ROBO1: variants seen among roughly 807,000 people sequenced by gnomAD.
ROBO1 encodes the protein roundabout homolog 1.
Under a neutral mutation model 195.9 loss-of-function variants are expected in ROBO1, and 149 were observed. The ratio of observed to expected loss-of-function variants is 0.76; its 90% CI spans 0.67 to 0.87. ROBO1 has a LOEUF of 0.87. Among genes scored for constraint, ROBO1 ranks in the 40% least tolerant of loss-of-function variants. ROBO1 has a pLI of 0.00. For synonymous variants in ROBO1, 816 were observed against 733.2 expected (o/e 1.11, Z -1.82); for missense variants, 1,933 against 2,068.3 (o/e 0.93, Z 1.27).
At chr3:78,899,059 T>A (rs1021485471) in intron 4 of ROBO1, among the ~76,000 whole-genome samples, 1 of 152,206 alleles carries the variant, frequency 6.6e-6, no homozygotes, top group Admixed American at 6.5e-5. Flanking sequence ...ATTTCCAATG[T>A]CCTGTGCTAG....
intron 4 of ROBO1, among the ~76,000 whole-genome samples, chr3:78,820,445 AT>A (rs1288365051): frequency 6.6e-6 from 1 of 152,336 alleles, no homozygotes; most frequent in Admixed American, 6.5e-5. Flanking sequence ...TCAAAGCCAA[AT>A]TTGTACTAAT....
intron 2 of ROBO1, among the ~76,000 whole-genome samples, chr3:79,562,482 T>C (rs1942954258): frequency 6.6e-6 from 1 of 152,060 alleles, no homozygotes; most frequent in African/African-American, 2.4e-5. Context: ...TCTCTTTGTA[T>C]ATATCATTGG....
At position 79,435,519 on chromosome 3, in the gene ROBO1, T is replaced by C. The variant is rs140935797; in HGVS notation, c.88+154305A>G. On this transcript the variant is annotated intron_variant, in intron 2 of 30. Transcript: ENST00000464233. ...TATTTTTTAGGTTTATTCTTCTCTC[T>C]TAAGTAGATAATAAAGAGCAATTTC... Among the ~76,000 whole-genome samples the C allele has an allele frequency of 5.9e-3, 893 of 152,292 alleles. 8 individuals are homozygous for C. The highest frequency in any genetic ancestry group is 0.02 in the African/African-American group (849 of 41,574).
intron 3 of ROBO1, among the ~76,000 whole-genome samples, chr3:79,051,818 T>C (rs932463621): frequency 2.6e-5 from 4 of 152,112 alleles, no homozygotes; most frequent in Non-Finnish European, 4.4e-5. Context: ...TGAACATAAA[T>C]TGTGAAGATT....
At chr3:79,272,919 A>C (rs561451956) in intron 2 of ROBO1, among the ~76,000 whole-genome samples, 1 of 152,132 alleles carries the variant, frequency 6.6e-6, no homozygotes, top group African/African-American at 2.4e-5. Context: ...AGATTTATCA[A>C]TGGAAATCTC....
Position 79,501,886 on chromosome 3 carries a change from C to T in ROBO1, c.88+87938G>A, listed in dbSNP as rs187522879. On this transcript the variant is annotated intron_variant, in intron 2 of 30. Transcript: ENST00000464233. ...TTTGACTGTATTGAACAATGTCCCTCTTTATTTTAGTCCAGGAAATGTGTA... is the reference window on the plus strand; with the variant it reads ...TTTGACTGTATTGAACAATGTCCCTTTTTATTTTAGTCCAGGAAATGTGTA... 3.5e-3 allele frequency among the ~76,000 whole-genome samples: 540 copies of T among 152,316 alleles called. 7 individuals carry two copies. Among genetic ancestry groups the T allele is most frequent in the Non-Finnish European group, 2.7e-3 (181 of 68,036 alleles).
At chr3:79,555,667 T>C (rs1942673239) in intron 2 of ROBO1, among the ~76,000 whole-genome samples, 1 of 152,156 alleles carries the variant, frequency 6.6e-6, no homozygotes, top group African/African-American at 2.4e-5. Context: ...GAGCTTTTGA[T>C]AGTTTCCTGT....
At chr3:79,673,913 C>T (rs1405653022) in intron 1 of ROBO1, among the ~76,000 whole-genome samples, 1 of 151,964 alleles carries the variant, frequency 6.6e-6, no homozygotes. Context: ...ATACAAAACT[C>T]TCCTCATTTT....
intron 2 of ROBO1, among the ~76,000 whole-genome samples, chr3:79,314,512 TTA>T (rs1171623451): frequency 6.6e-6 from 1 of 152,224 alleles, no homozygotes; most frequent in Non-Finnish European, 1.5e-5. Context: ...TCTGCCATGA[TTA>T]TGTTTCCTGA....
chr3:78,960,970 G>A lies in ROBO1; in HGVS notation c.173-22043C>T, dbSNP rs113319858. Reference sequence around the variant, plus strand: ...TTTTCTGTTTCGCATCACCCTAATCGTTGCAATACGCTGTATGTATAGCCA... The same window carrying A: ...TTTTCTGTTTCGCATCACCCTAATCATTGCAATACGCTGTATGTATAGCCA... On this transcript the variant is annotated intron_variant, in intron 3 of 30. Transcript: ENST00000464233. Among the ~76,000 whole-genome samples, 441 of 152,048 alleles carry A rather than the reference G, an allele frequency of 2.9e-3. 3 individuals carry two copies. Among genetic ancestry groups the A allele is most frequent in the African/African-American group, 0.01 (430 of 41,472 alleles).
intron 7 of ROBO1, among the ~76,000 whole-genome samples, chr3:78,715,520 A>C (rs1049896315): frequency 6.6e-6 from 1 of 152,084 alleles, no homozygotes; most frequent in African/African-American, 2.4e-5. Context: ...AGTGCTAACA[A>C]AATTAATTTT....
In ROBO1 at chr3:79,215,626, A is replaced by G. The variant is rs142501461; in HGVS notation, c.89-90087T>C. On this transcript the variant is annotated intron_variant, in intron 2 of 30. Coordinates refer to ENST00000464233, the MANE Select transcript of ROBO1 (RefSeq NM_002941.4). ...CCTGACAAGACAAAGGGCTGTTTGG[A>G]TAATAAGACATACAGTCTCAGTTCA... 9.1e-3 allele frequency among the ~76,000 whole-genome samples: 1,385 copies of G among 152,328 alleles called. 14 individuals carry two copies. Among genetic ancestry groups the G allele is most frequent in the Non-Finnish European group, 0.015 (1,016 of 68,014 alleles).
At chr3:79,233,774 C>T (rs768706811) in intron 2 of ROBO1, among the ~76,000 whole-genome samples, 3 of 152,268 alleles carry the variant, frequency 2.0e-5, no homozygotes, top group Non-Finnish European at 4.4e-5. Flanking sequence ...TTTCTGCTCT[C>T]CACAGTGGCT....
At chr3:79,689,273 T>C (rs1947230353) in intron 1 of ROBO1, among the ~76,000 whole-genome samples, 2 of 152,132 alleles carry the variant, frequency 1.3e-5, no homozygotes, top group South Asian at 4.1e-4. Flanking sequence ...TGATTTAAAA[T>C]TGTAGATGGT....
chr3:79,318,908 A>G (rs182214783), intron 2 of ROBO1, among the ~76,000 whole-genome samples: 1 of 152,348 alleles, frequency 6.6e-6, no homozygotes, highest in African/African-American at 2.4e-5. Context: ...GTAAAAAGAA[A>G]TAGGTAAAAT....
intron 2 of ROBO1, among the ~76,000 whole-genome samples, chr3:79,546,998 G>T (rs1282459294): frequency 1.3e-5 from 2 of 151,838 alleles, no homozygotes; most frequent in East Asian, 3.9e-4. Context: ...TGGCTAACAG[G>T]GTGAAAACCC....
At chr3:79,562,016 C>G (rs1161336631) in intron 2 of ROBO1, among the ~76,000 whole-genome samples, 1 of 152,132 alleles carries the variant, frequency 6.6e-6, no homozygotes, top group Non-Finnish European at 1.5e-5. Flanking sequence ...CAAATGATAG[C>G]TGGTTTTACT....
intron 3 of ROBO1, among the ~76,000 whole-genome samples, chr3:79,124,277 A>G (rs572733842): frequency 6.6e-6 from 1 of 152,202 alleles, no homozygotes; most frequent in Admixed American, 6.5e-5. Flanking sequence ...AAAAATGCAA[A>G]TGAGTTATTT....
At chr3:79,093,185 A>G (rs2079509900) in intron 3 of ROBO1, among the ~76,000 whole-genome samples, 1 of 152,100 alleles carries the variant, frequency 6.6e-6, no homozygotes, top group Non-Finnish European at 1.5e-5. Flanking sequence ...ATGTAAGAAT[A>G]TGGGGTAACA....
Sources: allele counts gnomAD v4.1 joint callset (sites outside exome capture counted in the v4.1 genomes callset), GRCh38; gene constraint gnomAD v4.1.1; transcripts MANE v1.5; gene names NCBI Gene and HGNC (gene_info 2026-07-23, HGNC 2026-07-21).